The following CA4 variants were observed in gnomAD, a reference collection of about 807,000 sequenced individuals.
The protein encoded by CA4 is CA-IV.
A neutral mutation model predicts 34.5 loss-of-function variants in CA4; 24 were observed. The observed-to-expected ratio is 0.70, with a 90% CI of 0.50 to 0.98. The LOEUF (loss-of-function observed/expected upper bound fraction) is 0.98, where lower values mean the gene tolerates loss of function less well. Ranked by LOEUF, CA4 falls within the 50% of genes least tolerant of loss-of-function variation. The pLI, the probability that CA4 is intolerant of heterozygous loss-of-function variation, is 0.00. For synonymous variants in CA4, 178 were observed against 170.6 expected, an observed-to-expected ratio of 1.04 and a Z score of -0.34; for missense variants, 394 against 396.7, an observed-to-expected ratio of 0.99 and a Z score of 0.06.
At chr17:60,175,189 ATT>A (rs555031745), downstream of CA4, among the ~76,000 whole-genome samples, 21 of 107,610 alleles carry the variant, frequency 2.0e-4, 1 homozygote, top group East Asian at 5.4e-4. Context: ...CACCCAGCTG[ATT>A]TTTTTTTTTT....
At chr17:60,162,639 G>A (rs555441385), downstream of CA4, among the ~76,000 whole-genome samples, 119 of 151,894 alleles carry the variant, frequency 7.8e-4, no homozygotes, top group Admixed American at 1.8e-3. Context: ...AGGCTCACAG[G>A]CTGATGGTTT....
chr17:60,170,096 C>A (rs1378605353), intron 5 of CA4, among the ~76,000 whole-genome samples: 1 of 152,202 alleles, frequency 6.6e-6, no homozygotes, highest in Non-Finnish European at 1.5e-5. Flanking sequence ...CGTGATGAGC[C>A]TGCCATGGTG....
intron 3 of CA4, chr17:60,157,079 G>T (rs2083700363): frequency 1.9e-6 from 1 of 518,160 alleles, no homozygotes; most frequent in Non-Finnish European, 3.5e-6. Flanking sequence ...GCTGGGCTGG[G>T]GCCCAAGGGC....
At chr17:60,167,191 C>T (rs928899960) in intron 5 of CA4, among the ~76,000 whole-genome samples, 1 of 152,196 alleles carries the variant, frequency 6.6e-6, no homozygotes, top group African/African-American at 2.4e-5. Context: ...TGCTGCTGGC[C>T]TCCAAGTGTT....
At chr17:60,175,668 C>CAAAAAA (rs150949660), downstream of CA4, among the ~76,000 whole-genome samples, 30 of 81,532 alleles carry the variant, frequency 3.7e-4, no homozygotes, top group African/African-American at 1.1e-3. Flanking sequence ...AACTCCGTCT[C>CAAAAAA]AAAAAAAAAA....
downstream of CA4, among the ~76,000 whole-genome samples, chr17:60,175,797 T>C (rs1185090190): frequency 6.6e-6 from 1 of 151,846 alleles, no homozygotes; most frequent in Non-Finnish European, 1.5e-5. Flanking sequence ...CTGCTGCTGA[T>C]TGAACATGTT....
rs147391951 is a variant in CA4 at position 60,170,283 on chromosome 17, G to A, written c.*179-268G>A. Among the ~76,000 whole-genome samples the A allele has an allele frequency of 1.3e-3, 202 of 152,316 alleles. 1 individual carries two copies. Among genetic ancestry groups the A allele is most frequent in the African/African-American group, 4.5e-3 (189 of 41,572 alleles). Reference sequence around the variant, plus strand: ...TGGATGAAGCATAGTCAGGTAGCCCGGTCTGGCAGGGGGCCAGTGGGGAGC... The same window carrying A: ...TGGATGAAGCATAGTCAGGTAGCCCAGTCTGGCAGGGGGCCAGTGGGGAGC... On this transcript the variant is annotated intron_variant and NMD_transcript_variant, in intron 5 of 5. Transcript: ENST00000586876.
intron 1 of CA4, among the ~76,000 whole-genome samples, chr17:60,150,362 T>C (rs965657288): frequency 2.0e-5 from 3 of 151,668 alleles, no homozygotes; most frequent in Admixed American, 6.6e-5. Context: ...GCGAGACGAG[T>C]TGGGAGTCCC....
downstream of CA4, among the ~76,000 whole-genome samples, chr17:60,171,937 C>T (rs1408902907): frequency 1.3e-5 from 2 of 152,220 alleles, no homozygotes; most frequent in Admixed American, 6.5e-5. Flanking sequence ...GCAAACACTG[C>T]GGACTGGACT....
chr17:60,159,547 C>G (rs922136078), downstream of CA4: 9 of 1,141,458 alleles, frequency 7.9e-6, no homozygotes, highest in Admixed American at 1.0e-4. Context: ...TTTGGAGAAA[C>G]CTTTCTCAAG....
downstream of CA4, among the ~76,000 whole-genome samples, chr17:60,171,469 G>A (rs2083909971): frequency 6.6e-6 from 1 of 152,244 alleles, no homozygotes; most frequent in African/African-American, 2.4e-5. Flanking sequence ...CCAGTATACT[G>A]AGTAGCAAAA....
intron 1 of CA4, among the ~76,000 whole-genome samples, chr17:60,153,135 C>T (rs373868668): frequency 2.3e-4 from 35 of 152,032 alleles, no homozygotes; most frequent in Non-Finnish European, 2.8e-4. Context: ...GTCAGGAGTT[C>T]GAGACCAGCC....
chr17:60,171,652 T>G (rs907278338), downstream of CA4, among the ~76,000 whole-genome samples: 4 of 152,114 alleles, frequency 2.6e-5, no homozygotes, highest in Admixed American at 2.6e-4. Context: ...GACAGGTGCT[T>G]TAGCAGACAT....
intron 5 of CA4, among the ~76,000 whole-genome samples, chr17:60,168,207 T>C (rs2083874092): frequency 8.6e-6 from 1 of 116,652 alleles, no homozygotes; most frequent in Non-Finnish European, 1.7e-5. Context: ...CTTTTTATTT[T>C]TTGGGGGGGC....
downstream of CA4, among the ~76,000 whole-genome samples, chr17:60,174,974 C>T (rs538040107): frequency 5.3e-5 from 8 of 152,300 alleles, no homozygotes; most frequent in East Asian, 1.9e-4. Flanking sequence ...CCTCTCTCAA[C>T]GCATAGGGCC....
downstream of CA4, among the ~76,000 whole-genome samples, chr17:60,173,968 A>G (rs754215881): frequency 6.6e-6 from 1 of 152,044 alleles, no homozygotes; most frequent in Non-Finnish European, 1.5e-5. Flanking sequence ...TCACTCCCCT[A>G]TTGTTTGGGT....
Position 60,156,925 on chromosome 17 carries a change from G to T in CA4, c.268+210G>T, listed in dbSNP as rs866533687. The T allele has an allele frequency of 8.0e-6, 5 of 622,300 alleles. No homozygotes were observed. In the South Asian group the frequency reaches 9.2e-5, roughly 11 times the overall value. The allele number at this position is 622,300 out of a possible 1,614,324, so 38.5% of individuals were successfully genotyped here. On this transcript the variant is annotated intron_variant, in intron 3 of 7. Coordinates refer to ENST00000300900, the MANE Select transcript of CA4 (RefSeq NM_000717.5). ...TGTCAGACCAGTCTGGGATGTGGGG[G>T]CAGGAAACGTTCCAGGAAGAAGGAC...
chr17:60,151,952 G>T (rs1438352945), intron 1 of CA4, among the ~76,000 whole-genome samples: 1 of 151,954 alleles, frequency 6.6e-6, no homozygotes, highest in Non-Finnish European at 1.5e-5. Flanking sequence ...AAACACTTGG[G>T]TTGTGCTGAG....
At chr17:60,177,794 C>T in the CA4 span, among the ~76,000 whole-genome samples, 21 of 152,148 alleles carry the variant, frequency 1.4e-4, no homozygotes, top group Non-Finnish European at 2.5e-4. Flanking sequence ...AGTTACTGGC[C>T]TCAGATATCA....
Sources: allele counts gnomAD v4.1 joint callset (sites outside exome capture counted in the v4.1 genomes callset), GRCh38; gene constraint gnomAD v4.1.1; transcripts MANE v1.5; gene names NCBI Gene and HGNC (gene_info 2026-07-23, HGNC 2026-07-21).